The following GPC3 variants were observed in gnomAD, a reference collection of about 807,000 sequenced individuals.
GPC3 encodes the protein glypican 3.
In GPC3, 3 loss-of-function variants were observed where a neutral mutation model predicts 34.4. The observed-to-expected ratio is 0.09, with a 90% CI of 0.04 to 0.23. The LOEUF (loss-of-function observed/expected upper bound fraction) is 0.23. Among genes scored for constraint, GPC3 ranks in the 10% least tolerant of loss-of-function variants. The pLI is 1.00. For missense variants in GPC3, 351 were observed against 445.6 expected, an observed-to-expected ratio of 0.79 and a Z score of 1.91; for synonymous variants, 177 against 174.0, an observed-to-expected ratio of 1.02 and a Z score of -0.13.
intron 1 of GPC3, among the ~76,000 whole-genome samples, chrX:133,962,883 C>T (rs1021709966): frequency 8.9e-6 from 1 of 111,900 alleles, no homozygotes; most frequent in Non-Finnish European, 1.9e-5. Flanking sequence ...GAGCTCTTCC[C>T]TATCAAAGCT....
At chrX:133,687,203 A>G (rs1303251294) in intron 5 of GPC3, among the ~76,000 whole-genome samples, 2 of 98,445 alleles carry the variant, frequency 2.0e-5, no homozygotes, top group Non-Finnish European at 4.1e-5. Context: ...CGGCCTCCCA[A>G]AGTGCTGGGA....
intron 2 of GPC3, among the ~76,000 whole-genome samples, chrX:133,799,318 G>A (rs1013369035): frequency 8.9e-6 from 1 of 111,811 alleles, no homozygotes; most frequent in Non-Finnish European, 1.9e-5. Flanking sequence ...TCTGAGCCCA[G>A]GAGGCAGAGG....
intron 6 of GPC3, among the ~76,000 whole-genome samples, chrX:133,656,827 G>C (rs1362869413): frequency 9.0e-6 from 1 of 111,665 alleles, no homozygotes; most frequent in African/African-American, 3.3e-5. Flanking sequence ...GAAAAGATGA[G>C]AGGTTACAAA....
At chrX:133,776,878 C>CTTT (rs10633635) in intron 2 of GPC3, among the ~76,000 whole-genome samples, 6,824 of 79,470 alleles carry the variant, frequency 0.086, 568 homozygotes, top group Non-Finnish European at 0.13. Flanking sequence ...CCTTTCTTTT[C>CTTT]TTTTTTTTTT....
At chrX:133,864,665 G>T (rs2075958108) in intron 2 of GPC3, among the ~76,000 whole-genome samples, 1 of 112,577 alleles carries the variant, frequency 8.9e-6, no homozygotes, top group Non-Finnish European at 1.9e-5. Flanking sequence ...TTTTTCTTGG[G>T]AGTACAATTC....
intron 1 of GPC3, among the ~76,000 whole-genome samples, chrX:133,961,389 ACCTT>A (rs1364723838): frequency 3.6e-5 from 4 of 111,287 alleles, no homozygotes; most frequent in Non-Finnish European, 7.5e-5. Context: ...AGAAAGAATT[ACCTT>A]TATCTCTACT....
intron 3 of GPC3, among the ~76,000 whole-genome samples, chrX:133,728,990 A>G (rs1046588990): frequency 9.0e-6 from 1 of 111,208 alleles, no homozygotes; most frequent in Non-Finnish European, 1.9e-5. Context: ...TTCACTCCCA[A>G]ACCTTTTGTT....
intron 5 of GPC3, among the ~76,000 whole-genome samples, chrX:133,664,362 A>C (rs1290484412): frequency 2.7e-5 from 3 of 112,302 alleles, no homozygotes; most frequent in Non-Finnish European, 5.6e-5. Context: ...CTATCCACTT[A>C]AGGTAGGCAT....
chrX:133,886,467 G>C (rs921754535), intron 2 of GPC3, among the ~76,000 whole-genome samples: 8 of 111,554 alleles, frequency 7.2e-5, no homozygotes, highest in African/African-American at 2.6e-4. Context: ...TATATTTATG[G>C]GGTACAAAGT....
intron 7 of GPC3, among the ~76,000 whole-genome samples, chrX:133,565,776 C>T (rs952367335): frequency 8.9e-6 from 1 of 112,256 alleles, no homozygotes; most frequent in African/African-American, 3.2e-5. Flanking sequence ...TTTGGTAGAA[C>T]TGGGCTATGA....
chrX:133,609,704 T>C (rs183407598), intron 6 of GPC3, among the ~76,000 whole-genome samples: 5 of 112,398 alleles, frequency 4.4e-5, no homozygotes, highest in African/African-American at 1.6e-4. Context: ...TCCTTACATG[T>C]TTTTTCCACA....
At chrX:133,896,076 T>A (rs900158269) in intron 2 of GPC3, among the ~76,000 whole-genome samples, 3 of 112,000 alleles carry the variant, frequency 2.7e-5, no homozygotes, top group African/African-American at 9.7e-5. Context: ...AAAGAAAATG[T>A]CAAGGCTGGG....
At chrX:133,973,726 A>C (rs2076503147) in intron 1 of GPC3, among the ~76,000 whole-genome samples, 2 of 112,544 alleles carry the variant, frequency 1.8e-5, no homozygotes, top group South Asian at 7.4e-4. Context: ...GTTTACTTGG[A>C]ACCACATGTT....
At chrX:133,832,135 C>T (rs1402136991) in intron 2 of GPC3, among the ~76,000 whole-genome samples, 1 of 110,205 alleles carries the variant, frequency 9.1e-6, no homozygotes, top group East Asian at 2.8e-4. Context: ...CAAAAATTAG[C>T]CAGGCGTAGT....
At chrX:133,582,954 G>A (rs1366246169) in intron 7 of GPC3, among the ~76,000 whole-genome samples, 1 of 111,552 alleles carries the variant, frequency 9.0e-6, no homozygotes, top group Non-Finnish European at 1.9e-5. Flanking sequence ...AGATAATTGG[G>A]GAGAAATGAG....
intron 1 of GPC3, among the ~76,000 whole-genome samples, chrX:133,979,099 T>A (rs1465765470): frequency 1.8e-5 from 2 of 112,299 alleles, no homozygotes; most frequent in Non-Finnish European, 3.8e-5. Context: ...ACGGTGGAAG[T>A]TTCTTTTATA....
intron 2 of GPC3, among the ~76,000 whole-genome samples, chrX:133,772,211 C>T (rs746339160): frequency 8.9e-6 from 1 of 111,853 alleles, no homozygotes; most frequent in East Asian, 2.8e-4. Context: ...CAATGGTATA[C>T]AGTACATTTT....
intron 2 of GPC3, among the ~76,000 whole-genome samples, chrX:133,813,691 G>A (rs1441311756): frequency 3.6e-5 from 4 of 112,501 alleles, no homozygotes; most frequent in South Asian, 3.7e-4. Flanking sequence ...TGCATAATTA[G>A]TAAAGGTTTG....
chrX:133,962,991 C>G (rs1380064923), intron 1 of GPC3, among the ~76,000 whole-genome samples: 1 of 112,044 alleles, frequency 8.9e-6, no homozygotes, highest in Non-Finnish European at 1.9e-5. Context: ...ATTGGACTAG[C>G]AAATCTAAGT....
Sources: gnomAD v4.1 joint callset for allele counts (sites outside exome capture counted in the v4.1 genomes callset) on GRCh38, gnomAD v4.1.1 for gene constraint, MANE v1.5 for transcripts, NCBI Gene and HGNC (gene_info 2026-07-23, HGNC 2026-07-21) for gene names.